Variants in PROS1 observed in about 807,000 individuals in gnomAD.
PROS1 encodes the protein vitamin K-dependent protein S.
PROS1 carries 29 observed loss-of-function variants against 75.9 expected under a neutral mutation model. The observed-to-expected ratio is 0.38, with a 90% CI of 0.28 to 0.52. The LOEUF is 0.52. Among genes scored for constraint, PROS1 ranks in the 20% least tolerant of loss-of-function variants. The pLI, the probability that PROS1 is intolerant of heterozygous loss-of-function variation, is 0.83. For synonymous variants in PROS1, 245 were observed against 280.6 expected, an observed-to-expected ratio of 0.87 and a Z score of 1.27; for missense variants, 680 against 810.3, an observed-to-expected ratio of 0.84 and a Z score of 1.95.
In PROS1 at chr3:93,972,065, A is replaced by G. The variant is rs975976883; in HGVS notation, c.76+1609T>C. ...ATATAATACACATACACAAACCCAT[A>G]TAATTTTTACCTCTGCCTAGATTCA... On this transcript the variant is annotated intron_variant, in intron 1 of 14. Transcript: ENST00000394236. 3.7e-4 allele frequency among the ~76,000 whole-genome samples: 56 copies of G among 152,324 alleles called. 1 individual carries two copies. The highest frequency in any genetic ancestry group is 6.8e-3 in the Middle Eastern group (2 of 294).
intron 1 of PROS1, among the ~76,000 whole-genome samples, chr3:93,936,916 T>A (rs1298649066): frequency 1.3e-5 from 2 of 152,224 alleles, no homozygotes; most frequent in Non-Finnish European, 2.9e-5. Flanking sequence ...AACATGTTTT[T>A]TGTTTAAAAA....
At chr3:93,901,058 C>CA (rs202153905) in intron 6 of PROS1, 129 bp from the exon 7 acceptor site, 6 of 929,898 alleles carry the variant, frequency 6.5e-6, no homozygotes, top group South Asian at 3.3e-5. Context: ...GCCTTTGGAC[C>CA]AAAAAACATT....
intron 1 of PROS1, among the ~76,000 whole-genome samples, chr3:93,927,993 G>GTGTATA (rs1304225620): frequency 5.5e-4 from 14 of 25,614 alleles, no homozygotes; most frequent in East Asian, 9.6e-4. Flanking sequence ...GTGTGTGTGT[G>GTGTATA]TATATATATA....
Position 93,973,837 on chromosome 3 carries a change from C to T in PROS1, c.-88G>A. 1.7e-6 allele frequency: 2 copies of T among 1,207,270 alleles called. No individual in the cohort carries two copies. The highest frequency in any genetic ancestry group is 2.3e-6 in the Non-Finnish European group (2 of 869,366). 74.8% of individuals were successfully genotyped at this position (1,207,270 alleles called of 1,614,324 possible). Reference sequence around the variant, plus strand: ...GGCGCCGCGGAGCTGCGAGCCTGTGCGCCTCGGTCTGAGCCGTGCTGCGCG... The same window carrying T: ...GGCGCCGCGGAGCTGCGAGCCTGTGTGCCTCGGTCTGAGCCGTGCTGCGCG... On this transcript the variant is annotated 5_prime_UTR_variant, in exon 1 of 15. Coordinates refer to ENST00000394236, the MANE Select transcript of PROS1 (RefSeq NM_000313.4).
chr3:93,933,490 G>A lies in PROS1; in HGVS notation c.77-6083C>T, dbSNP rs1450441128. Reference sequence around the variant, plus strand: ...CTTGAGAGGCTGAGGCTGAAGGATCGCTTGAGCCCAGAAGGTTGAGGTACA... The same window carrying A: ...CTTGAGAGGCTGAGGCTGAAGGATCACTTGAGCCCAGAAGGTTGAGGTACA... On this transcript the variant is annotated intron_variant, in intron 1 of 14. Transcript: ENST00000394236. 2.0e-5 allele frequency among the ~76,000 whole-genome samples: 3 copies of A among 151,320 alleles called. No individual in the cohort carries two copies. In the East Asian group the frequency reaches 5.9e-4, roughly 30 times the overall value.
chr3:93,917,141 C>G (rs1452929469), intron 3 of PROS1, among the ~76,000 whole-genome samples: 1 of 152,188 alleles, frequency 6.6e-6, no homozygotes, highest in Non-Finnish European at 1.5e-5. Flanking sequence ...ATATTATGAT[C>G]GCTGGTGTTT....
At chr3:93,926,649 A>G (rs1709021738) in intron 2 of PROS1, among the ~76,000 whole-genome samples, 1 of 152,246 alleles carries the variant, frequency 6.6e-6, no homozygotes, top group Non-Finnish European at 1.5e-5. Context: ...AAAAATAAAA[A>G]TAAATGCCAA....
chr3:93,943,606 C>A (rs1352362541), intron 1 of PROS1, among the ~76,000 whole-genome samples: 1 of 152,070 alleles, frequency 6.6e-6, no homozygotes, highest in Non-Finnish European at 1.5e-5. Context: ...TCCATACCAC[C>A]CCCCCAAAAT....
intron 1 of PROS1, among the ~76,000 whole-genome samples, chr3:93,942,560 TTC>T (rs1356406179): frequency 6.6e-6 from 1 of 152,114 alleles, no homozygotes; most frequent in African/African-American, 2.4e-5. Context: ...GTGCCAGTTT[TTC>T]TCTTTCTCAC....
At position 93,947,263 on chromosome 3, in the gene PROS1, C is replaced by CA. The variant is rs1195187038; in HGVS notation, c.77-19857dup. On this transcript the variant is annotated intron_variant, in intron 1 of 14. Coordinates refer to ENST00000394236, the MANE Select transcript of PROS1 (RefSeq NM_000313.4). ...TCAACCATTGTGGAAGACAGTGTGG[C>CA]AATTTCTCAAGGATCTGGAATCAAC... Among the ~76,000 whole-genome samples, 4 of 152,278 alleles carry CA rather than the reference C, an allele frequency of 2.6e-5. No homozygotes were observed. The East Asian group carries it at 7.7e-4, about 29-fold the overall frequency.
chr3:93,922,552 G>A (rs772806351), intron 3 of PROS1, among the ~76,000 whole-genome samples: 5 of 152,302 alleles, frequency 3.3e-5, no homozygotes, highest in Middle Eastern at 3.4e-3. Flanking sequence ...CCCTGAAAAC[G>A]AAGTCTAAAT....
chr3:93,944,361 T>G (rs1476781906), intron 1 of PROS1, among the ~76,000 whole-genome samples: 3 of 152,092 alleles, frequency 2.0e-5, no homozygotes, highest in Non-Finnish European at 4.4e-5. Flanking sequence ...ATCAACAAAA[T>G]ATACATTCTT....
chr3:93,886,668 G>C (rs1378512044), intron 10 of PROS1, among the ~76,000 whole-genome samples, 165 bp from the exon 11 acceptor site: 1 of 152,032 alleles, frequency 6.6e-6, no homozygotes, highest in Non-Finnish European at 1.5e-5. Flanking sequence ...GTCAAATTAT[G>C]ATAAATGTGA....
chr3:93,945,620 TA>T (rs1333013345), intron 1 of PROS1, among the ~76,000 whole-genome samples: 1 of 152,166 alleles, frequency 6.6e-6, no homozygotes, highest in Non-Finnish European at 1.5e-5. Context: ...CTCTTCATGC[TA>T]AAAACTCTCA....
intron 10 of PROS1, among the ~76,000 whole-genome samples, chr3:93,889,193 A>G (rs916880479): frequency 1.3e-5 from 2 of 152,030 alleles, no homozygotes; most frequent in African/African-American, 4.8e-5. Flanking sequence ...ATTACTCTCT[A>G]TGTCTTTGTC....
chr3:93,954,017 G>A (rs1390047030), intron 1 of PROS1, among the ~76,000 whole-genome samples: 1 of 152,072 alleles, frequency 6.6e-6, no homozygotes, highest in Non-Finnish European at 1.5e-5. Flanking sequence ...AACTTACAAG[G>A]GATGTGAAGG....
At chr3:93,969,099 T>TTTTTTG (rs1447192311) in intron 1 of PROS1, among the ~76,000 whole-genome samples, 5 of 151,870 alleles carry the variant, frequency 3.3e-5, no homozygotes, top group African/African-American at 4.8e-5. Flanking sequence ...CTTGCCTGTT[T>TTTTTTG]TTTTTGTTTT....
chr3:93,963,097 T>C (rs1293880674), intron 1 of PROS1, among the ~76,000 whole-genome samples: 1 of 152,170 alleles, frequency 6.6e-6, no homozygotes, highest in Non-Finnish European at 1.5e-5. Flanking sequence ...CTGCAGCAAG[T>C]TCCAGAAGAG....
intron 1 of PROS1, among the ~76,000 whole-genome samples, chr3:93,966,522 C>G (rs925362949): frequency 9.2e-5 from 14 of 152,224 alleles, no homozygotes; most frequent in Admixed American, 9.2e-4. Flanking sequence ...GCAGCATAAA[C>G]AAAGGAAGAT....
Sources: allele counts gnomAD v4.1 joint callset (sites outside exome capture counted in the v4.1 genomes callset), GRCh38; gene constraint gnomAD v4.1.1; transcripts MANE v1.5; gene names NCBI Gene and HGNC (gene_info 2026-07-23, HGNC 2026-07-21).